Variants in COL6A2 observed in about 807,000 individuals in gnomAD.
COL6A2 encodes the protein collagen alpha-2(VI) chain.
In COL6A2, 90 loss-of-function variants were observed where a neutral mutation model predicts 124.9. The observed-to-expected ratio is 0.72, with a 90% CI of 0.61 to 0.86. The LOEUF (loss-of-function observed/expected upper bound fraction) is 0.86, where lower values mean the gene tolerates loss of function less well. COL6A2 is among the 40% of genes least tolerant of loss of function. The probability of loss-of-function intolerance (pLI) is 0.00; values close to 1 mark genes in which losing one functional copy is unlikely to be tolerated. For synonymous variants in COL6A2, 793 were observed against 618.2 expected (o/e 1.28, Z -4.19); for missense variants, 1,607 against 1,502.5 (o/e 1.07, Z -1.15).
At position 46,132,442 on chromosome 21, in the gene COL6A2, G is replaced by A. The variant is rs752700701; in HGVS notation, c.2950G>A (p.Val984Met). 68 of 1,606,622 alleles carry A rather than the reference G, an allele frequency of 4.2e-5. No homozygotes were observed. The highest frequency in any genetic ancestry group is 1.7e-4 in the Middle Eastern group (1 of 6,058). The change falls in exon 28 of 28, where the codon GTG (valine) becomes ATG (methionine). Residue 984 changes from valine to methionine, a missense_variant. Coordinates refer to ENST00000300527, the MANE Select transcript of COL6A2 (RefSeq NM_001849.4). ...LALGSDVDMD[V>M]LTTLSLGDRA... ...CTTGGGCAGCGACGTGGACATGGAC[G>A]TGCTCACCACGCTCAGCCTGGGTGA...
rs771181449 is a variant in COL6A2, at chr21:46,132,418, T to G, written c.2926T>G (p.Leu976Val). The G allele has an allele frequency of 8.1e-6, 13 of 1,607,406 alleles. No individual in the cohort carries two copies. In the East Asian group the frequency reaches 2.7e-4, roughly 33 times the overall value. ...KQNVVPTVLA[L>V]GSDVDMDVLT... is the part of the protein sequence containing the mutation. ...GAACGTGGTACCCACCGTGCTGGCC[T>G]TGGGCAGCGACGTGGACATGGACGT... The change falls in exon 28 of 28, where the codon TTG (leucine) becomes GTG (valine). Residue 976 changes from leucine (L) to valine (V), a missense_variant. Physicochemically the swap from Leu to Val is conservative, Grantham distance 32. Around this residue, in one of 3 missense-constraint regions of COL6A2, gnomAD observed 1,223 missense variants for 1,052.2 expected, o/e 1.16. Transcript: ENST00000300527.
Position 46,116,889 on chromosome 21 carries a change from A to T in COL6A2, c.999+75A>T, listed in dbSNP as rs2078480035. 6.8e-7 allele frequency: 1 copy of T among 1,475,782 alleles called. No individual in the cohort carries two copies. The highest frequency in any genetic ancestry group is 1.7e-5 in the Admixed American group (1 of 58,968). 91.4% of individuals were successfully genotyped at this position (1,475,782 alleles called of 1,614,324 possible). ...CAGCCTCTGCAGGGCCCCCAGATCC[A>T]GCCTGATCTGTCAGCTTACACATGT... On this transcript the variant is annotated intron_variant, in intron 10 of 27. Coordinates refer to ENST00000300527, the MANE Select transcript of COL6A2 (RefSeq NM_001849.4). This position sits in a 1 kb window ranked among gnomAD's most constrained non-coding sequence, Gnocchi z 4.6.
At chr21:46,129,525 C>G (rs1450038352) in intron 27 of COL6A2, 1 of 1,522,568 alleles carries the variant, frequency 6.6e-7, no homozygotes. Flanking sequence ...GCTGGGCCCT[C>G]CCTGCCACAC....
At chr21:46,110,792 G>A (rs950202556) in intron 1 of COL6A2, among the ~76,000 whole-genome samples, 2 of 152,218 alleles carry the variant, frequency 1.3e-5, no homozygotes, top group South Asian at 2.1e-4. Flanking sequence ...AGTGAGGCCC[G>A]TCCTGATGGC....
rs2123625572 is a variant in COL6A2, at chr21:46,115,893, G to A, written c.823G>A (p.Glu275Lys). ...GQKGAKGNMG[E>K]PGEPGQKGRQ... The stretch of plus-strand genomic sequence containing the variant: ...TTAGGGTGCCAAGGGCAACATGGGT[G>A]AGCCGGGAGAGCCTGGCCAGAAGGG... The change falls in exon 6 of 28, where the codon GAG (glutamate) becomes AAG (lysine). Residue 275 changes from glutamate (E) to lysine (K), a missense_variant. Glu to Lys is a moderately conservative substitution (Grantham distance 56, BLOSUM62 1). Transcript: ENST00000300527. 6.2e-7 allele frequency: 1 copy of A among 1,612,908 alleles called. No individual in the cohort carries two copies.
chr21:46,127,831 C>T (rs2078696628), intron 27 of COL6A2, among the ~76,000 whole-genome samples: 1 of 152,200 alleles, frequency 6.6e-6, no homozygotes, highest in Non-Finnish European at 1.5e-5. Context: ...CTGTGGATGT[C>T]ACGTGACCTT....
At chr21:46,126,699 C>T (rs551865224) in intron 27 of COL6A2, among the ~76,000 whole-genome samples, 158 bp downstream of exon 27, 1 of 152,204 alleles carries the variant, frequency 6.6e-6, no homozygotes, top group East Asian at 1.9e-4. Context: ...CCCAGGATGG[C>T]AGCACAGGGG....
chr21:46,120,151 G>GGCC (rs2078540922), intron 15 of COL6A2, among the ~76,000 whole-genome samples: 2 of 72,112 alleles, frequency 2.8e-5, no homozygotes, highest in South Asian at 5.1e-4. Context: ...CTTACCCCCA[G>GGCC]CCCACTGAGG....
chr21:46,125,699 C>G (rs574748783), intron 25 of COL6A2, 82 bp downstream of exon 25: 5 of 1,590,824 alleles, frequency 3.1e-6, no homozygotes. Flanking sequence ...AGTCCAGACG[C>G]GTCCCTCCAA....
intron 1 of COL6A2, among the ~76,000 whole-genome samples, chr21:46,099,893 T>TTTTTTTTTTG (rs2078270103): frequency 8.2e-6 from 1 of 122,218 alleles, no homozygotes; most frequent in South Asian, 2.3e-4. Context: ...CACTGTCTTT[T>TTTTTTTTTTG]TTTTTTTTTT....
rs767597831 is a variant in COL6A2 at position 46,111,976 on chromosome 21, C to A, written c.116-3C>A. 1.2e-6 allele frequency: 2 copies of A among 1,611,052 alleles called. No individual in the cohort carries two copies. The highest frequency in any genetic ancestry group is 1.7e-6 in the Non-Finnish European group (2 of 1,179,862). On this transcript the variant is annotated splice_region_variant and splice_polypyrimidine_tract_variant and intron_variant, in intron 2 of 27. Coordinates refer to ENST00000300527, the MANE Select transcript of COL6A2 (RefSeq NM_001849.4). ...GGCTCGTGACAGGTCCTGTGCCCCA[C>A]AGAGAAGACCGACTGCCCCATCCAC...
intron 13 of COL6A2, 110 bp downstream of exon 13, chr21:46,118,786 T>G: frequency 7.6e-7 from 1 of 1,321,922 alleles, no homozygotes; most frequent in Non-Finnish European, 1.1e-6. Context: ...GGTGCCGCAT[T>G]GGGCTCTGGG....
At chr21:46,107,278 C>G (rs9637212) in intron 1 of COL6A2, among the ~76,000 whole-genome samples, 98,579 of 151,656 alleles carry the variant, frequency 0.65, 32,254 homozygotes, top group East Asian at 0.8. Context: ...TGCCTATATT[C>G]TTATCTAAGG....
intron 1 of COL6A2, among the ~76,000 whole-genome samples, chr21:46,108,295 A>AT (rs888882950): frequency 4.0e-5 from 6 of 151,580 alleles, no homozygotes; most frequent in African/African-American, 1.2e-4. Flanking sequence ...CCCCCACCCC[A>AT]TTTTTTTTGT....
chr21:46,118,561 C>T lies in COL6A2; in HGVS notation c.1117-53C>T, dbSNP rs972702868. 2.3e-5 allele frequency: 37 copies of T among 1,579,308 alleles called. No homozygotes were observed. The South Asian group carries it at 3.3e-4, about 14-fold the overall frequency. On this transcript the variant is annotated intron_variant, in intron 12 of 27. Coordinates refer to ENST00000300527, the MANE Select transcript of COL6A2 (RefSeq NM_001849.4). ...TCCTGCCCCCGCAGCGGGCATCCTG[C>T]ACCCCCCTTCCCCTGCCAAAAGACG...
intron 17 of COL6A2, 57 bp from the exon 18 acceptor site, chr21:46,121,499 C>T: frequency 6.4e-7 from 1 of 1,557,576 alleles, no homozygotes; most frequent in South Asian, 1.1e-5. Context: ...TCAGGTGACC[C>T]CTGGGCATGG....
In COL6A2 at chr21:46,116,225, C is replaced by T; in HGVS notation, c.901-152C>T. ...TCCCAAAACCCAGCCTCCAGCCCGA[C>T]CCAGGGCTCAGCCTCCTCCGCAGAC... On this transcript the variant is annotated intron_variant, in intron 7 of 27. Transcript: ENST00000300527. The surrounding 1 kb of genome is among the most constrained non-coding windows in gnomAD (Gnocchi z 4.6). 8.7e-7 allele frequency: 1 copy of T among 1,153,478 alleles called. No individual in the cohort carries two copies. The highest frequency in any genetic ancestry group is 1.3e-6 in the Non-Finnish European group (1 of 790,188). The allele number at this position is 1,153,478 out of a possible 1,614,324, so 71.5% of individuals were successfully genotyped here. A position where few individuals can be genotyped will look rare whatever the true frequency, so the allele number is the denominator to read the frequency against.
In COL6A2 at chr21:46,128,641, A is replaced by C. The variant is rs2839116; in HGVS notation, c.2461+2100A>C. Among the ~76,000 whole-genome samples the C allele has an allele frequency of 0.34, 51,016 of 152,218 alleles. 10,010 individuals carry two copies. The highest frequency in any genetic ancestry group is 0.53 in the African/African-American group (22,168 of 41,520). ...CTGAAGGCAGTCAGGGCAGGGCGCA[A>C]TCAGCGATAAGAGCTGCATAGGGGC... On this transcript the variant is annotated intron_variant, in intron 27 of 27. Transcript: ENST00000300527.
intron 20 of COL6A2, 43 bp downstream of exon 20, chr21:46,122,574 G>T (rs750687285): frequency 1.2e-6 from 2 of 1,603,450 alleles, no homozygotes. Context: ...CAGGGTGGGG[G>T]TCTGCACGCC....
Sources: gnomAD v4.1 joint callset for allele counts (sites outside exome capture counted in the v4.1 genomes callset) on GRCh38, gnomAD v4.1.1 for gene constraint, gnomAD v4.1.1 regional missense constraint, Gnocchi (gnomAD v3.1) non-coding constraint, MANE v1.5 for transcripts, NCBI Gene and HGNC (gene_info 2026-07-23, HGNC 2026-07-21) for gene names.